INPP4B: variants seen among roughly 807,000 people sequenced by gnomAD.
The protein encoded by INPP4B is inositol polyphosphate 4-phosphatase type II.
Under a neutral mutation model 122.5 loss-of-function variants are expected in INPP4B, and 55 were observed. The ratio of observed to expected loss-of-function variants is 0.45; its 90% CI spans 0.36 to 0.56. INPP4B has a LOEUF of 0.56. INPP4B is among the 20% of genes least tolerant of loss of function. INPP4B has a pLI of 0.00. For synonymous variants in INPP4B, 403 were observed against 388.7 expected (o/e 1.04, Z -0.43); for missense variants, 1,000 against 1,097.7 (o/e 0.91, Z 1.26).
chr4:142,137,648 C>A (rs1206440094), intron 18 of INPP4B, among the ~76,000 whole-genome samples: 13 of 131,300 alleles, frequency 9.9e-5, no homozygotes, highest in Non-Finnish European at 2.0e-4. Context: ...TGACAAAGGG[C>A]TAATATCCAG....
At chr4:142,403,487 C>G (rs1461770049) in intron 6 of INPP4B, among the ~76,000 whole-genome samples, 1 of 151,996 alleles carries the variant, frequency 6.6e-6, no homozygotes, top group African/African-American at 2.4e-5. Flanking sequence ...TGTAATGATT[C>G]AATTGAAAAT....
intron 7 of INPP4B, chr4:142,317,350 G>A: frequency 2.9e-6 from 1 of 341,384 alleles, no homozygotes; most frequent in African/African-American, 2.2e-5. Flanking sequence ...AATGACTGAT[G>A]GCTTCAAGGC....
Position 142,027,558 on chromosome 4 carries a change from T to C in INPP4B, c.*1224A>G, listed in dbSNP as rs1737390800. 1 of 152,204 alleles carries C rather than the reference T, an allele frequency of 6.6e-6. No homozygotes were observed. Among genetic ancestry groups the C allele is most frequent in the African/African-American group, 2.4e-5 (1 of 41,468 alleles). 9.4% of individuals were successfully genotyped at this position (152,204 alleles called of 1,614,324 possible). On this transcript the variant is annotated 3_prime_UTR_variant, in exon 26 of 26. Coordinates refer to ENST00000262992, the MANE Select transcript of INPP4B (RefSeq NM_001101669.3). ...CTTTTTAACTAGCATTCTCCCTCAATTTTCATGCATATTTAGCATGGCAAT... is the reference window on the plus strand; with the variant it reads ...CTTTTTAACTAGCATTCTCCCTCAACTTTCATGCATATTTAGCATGGCAAT...
chr4:142,331,981 C>G (rs1774705779), intron 7 of INPP4B, among the ~76,000 whole-genome samples: 1 of 152,138 alleles, frequency 6.6e-6, no homozygotes. Flanking sequence ...GGCTCATAAC[C>G]AGGGTTTCTG....
At chr4:142,396,693 G>C (rs549593775) in intron 7 of INPP4B, among the ~76,000 whole-genome samples, 1 of 151,700 alleles carries the variant, frequency 6.6e-6, no homozygotes, top group Non-Finnish European at 1.5e-5. Flanking sequence ...GTCAAAAACC[G>C]GAAGCAACAT....
At chr4:142,115,806 T>G (rs1267432675) in intron 21 of INPP4B, among the ~76,000 whole-genome samples, 1 of 152,138 alleles carries the variant, frequency 6.6e-6, no homozygotes, top group African/African-American at 2.4e-5. Flanking sequence ...AATTCACATG[T>G]AACAATATTA....
chr4:142,478,846 T>G (rs1175138029), intron 2 of INPP4B, among the ~76,000 whole-genome samples: 2 of 152,140 alleles, frequency 1.3e-5, no homozygotes, highest in East Asian at 3.9e-4. Flanking sequence ...AACAATCAAT[T>G]CAAGATGTAT....
intron 23 of INPP4B, among the ~76,000 whole-genome samples, chr4:142,102,078 T>C (rs1424072512): frequency 6.6e-6 from 1 of 152,086 alleles, no homozygotes; most frequent in African/African-American, 2.4e-5. Flanking sequence ...GTCCTTTTAC[T>C]TTTTATAAAT....
At chr4:142,054,919 C>T (rs751554749) in intron 25 of INPP4B, among the ~76,000 whole-genome samples, 9 of 152,090 alleles carry the variant, frequency 5.9e-5, no homozygotes, top group South Asian at 2.1e-4. Context: ...ACTCAGCTTG[C>T]ATGGCTGCTT....
chr4:142,111,704 T>C (rs924227334), intron 22 of INPP4B, among the ~76,000 whole-genome samples: 1 of 151,976 alleles, frequency 6.6e-6, no homozygotes, highest in Non-Finnish European at 1.5e-5. Context: ...ATGTGAGCCA[T>C]GTAAGATGTA....
At chr4:142,223,427 T>C (rs986697111) in intron 12 of INPP4B, among the ~76,000 whole-genome samples, 2 of 152,206 alleles carry the variant, frequency 1.3e-5, no homozygotes, top group South Asian at 2.1e-4. Context: ...TTCTGTACTT[T>C]TGTCATTTCC....
intron 21 of INPP4B, among the ~76,000 whole-genome samples, chr4:142,114,015 T>G (rs1212992499): frequency 6.6e-6 from 1 of 152,062 alleles, no homozygotes; most frequent in African/African-American, 2.4e-5. Context: ...CTGTTTCCTA[T>G]GAATGAATTT....
intron 16 of INPP4B, among the ~76,000 whole-genome samples, chr4:142,163,101 C>G (rs1311811862): frequency 1.3e-5 from 2 of 151,862 alleles, no homozygotes; most frequent in Admixed American, 1.3e-4. Context: ...AATCCCAACA[C>G]AGCTGTATAC....
chr4:142,257,271 AT>A (rs1381222300), intron 11 of INPP4B, among the ~76,000 whole-genome samples: 1 of 152,196 alleles, frequency 6.6e-6, no homozygotes, highest in African/African-American at 2.4e-5. Context: ...CAAAAACTGG[AT>A]GCATTCCCTT....
At chr4:142,497,993 G>T (rs1360079765) in intron 2 of INPP4B, among the ~76,000 whole-genome samples, 1 of 151,970 alleles carries the variant, frequency 6.6e-6, no homozygotes, top group Non-Finnish European at 1.5e-5. Context: ...AGAAAAAACT[G>T]CAGTCAAAGC....
At chr4:142,828,431 A>C (rs919572492) in intron 1 of INPP4B, among the ~76,000 whole-genome samples, 1 of 152,150 alleles carries the variant, frequency 6.6e-6, no homozygotes, top group Non-Finnish European at 1.5e-5. Flanking sequence ...TGAGAATGAA[A>C]AAAATTGATT....
At chr4:142,478,361 A>T (rs1174414954) in intron 2 of INPP4B, among the ~76,000 whole-genome samples, 1 of 151,834 alleles carries the variant, frequency 6.6e-6, no homozygotes, top group Non-Finnish European at 1.5e-5. Context: ...TCTCAGGGGG[A>T]ATTCTCCTTT....
At chr4:142,718,755 C>T (rs1219195342) in intron 2 of INPP4B, among the ~76,000 whole-genome samples, 4 of 152,132 alleles carry the variant, frequency 2.6e-5, no homozygotes, top group African/African-American at 9.7e-5. Context: ...TAAAGAATAA[C>T]AATCAAAGTC....
chr4:142,780,564 C>T (rs760926209), intron 1 of INPP4B, among the ~76,000 whole-genome samples: 6 of 151,986 alleles, frequency 3.9e-5, no homozygotes, highest in East Asian at 1.9e-4. Flanking sequence ...TTTGGGAGGC[C>T]GAGGCAGGCA....
Sources: allele counts gnomAD v4.1 joint callset (sites outside exome capture counted in the v4.1 genomes callset), GRCh38; gene constraint gnomAD v4.1.1; transcripts MANE v1.5; gene names NCBI Gene and HGNC (gene_info 2026-07-23, HGNC 2026-07-21).